The following REDIC1 variants were observed in gnomAD, a reference collection of about 807,000 sequenced individuals.
REDIC1 encodes HEI10 Interacting Protein 1.
the REDIC1 span, chr12:39,720,976 A>G: frequency 1.9e-6 from 3 of 1,613,692 alleles, no homozygotes; most frequent in Non-Finnish European, 2.5e-6. Context: ...AGTGAAAAAT[A>G]ATACAGATCA....
At chr12:39,706,201 G>A in the REDIC1 span, among the ~76,000 whole-genome samples, 1 of 151,932 alleles carries the variant, frequency 6.6e-6, no homozygotes, top group Non-Finnish European at 1.5e-5. Context: ...TTTTAAAGTA[G>A]TTCCATTTAC....
the REDIC1 span, among the ~76,000 whole-genome samples, chr12:39,754,495 T>C: frequency 6.6e-6 from 1 of 152,118 alleles, no homozygotes; most frequent in Non-Finnish European, 1.5e-5. Flanking sequence ...CTTGGGCTAT[T>C]TCTAAGTCAG....
At chr12:39,781,228 C>T in the REDIC1 span, among the ~76,000 whole-genome samples, 1 of 152,192 alleles carries the variant, frequency 6.6e-6, no homozygotes, top group Non-Finnish European at 1.5e-5. Context: ...TCTACCAGTT[C>T]GGTGAGTGAA....
At chr12:39,658,815 A>G in the REDIC1 span, among the ~76,000 whole-genome samples, 1 of 152,198 alleles carries the variant, frequency 6.6e-6, no homozygotes, top group Non-Finnish European at 1.5e-5. Context: ...CAAGTATAGT[A>G]TAAGAATCTT....
chr12:39,808,852 G>A, the REDIC1 span, among the ~76,000 whole-genome samples: 16 of 151,772 alleles, frequency 1.1e-4, no homozygotes, highest in African/African-American at 3.6e-4. Flanking sequence ...TAATACTTCC[G>A]GTCTGTGGCT....
chr12:39,654,806 G>C, the REDIC1 span, among the ~76,000 whole-genome samples: 145 of 152,240 alleles, frequency 9.5e-4, 2 homozygotes, highest in African/African-American at 3.2e-3. Flanking sequence ...ATTTGTGGAG[G>C]GTTGGTATTA....
chr12:39,631,906 G>C, the REDIC1 span, among the ~76,000 whole-genome samples: 23 of 152,000 alleles, frequency 1.5e-4, no homozygotes, highest in Non-Finnish European at 3.4e-4. Flanking sequence ...CATTGTTAGA[G>C]ACATATGCAG....
the REDIC1 span, among the ~76,000 whole-genome samples, chr12:39,712,864 CACGT>C: frequency 1.5e-4 from 2 of 13,724 alleles, no homozygotes; most frequent in Non-Finnish European, 5.4e-4. Flanking sequence ...TATGTATATA[CACGT>C]ATATACACGT....
At chr12:39,821,910 G>T in the REDIC1 span, among the ~76,000 whole-genome samples, 4 of 152,074 alleles carry the variant, frequency 2.6e-5, no homozygotes, top group East Asian at 5.8e-4. Context: ...GGAATGAAAA[G>T]AATATTATTA....
chr12:39,853,661 C>G, the REDIC1 span, among the ~76,000 whole-genome samples: 13 of 149,236 alleles, frequency 8.7e-5, no homozygotes, highest in African/African-American at 3.2e-4. Flanking sequence ...TTTAGTCAGA[C>G]TGCTACAGCC....
At chr12:39,634,833 G>A in the REDIC1 span, among the ~76,000 whole-genome samples, 1 of 152,014 alleles carries the variant, frequency 6.6e-6, no homozygotes, top group Non-Finnish European at 1.5e-5. Context: ...GAAACTGTCA[G>A]CAGTGTAAAA....
At chr12:39,668,130 G>T in the REDIC1 span, among the ~76,000 whole-genome samples, 1 of 151,586 alleles carries the variant, frequency 6.6e-6, no homozygotes, top group Non-Finnish European at 1.5e-5. Context: ...TTGTTATTTT[G>T]CTTGTTAGTT....
the REDIC1 span, among the ~76,000 whole-genome samples, chr12:39,782,941 T>C: frequency 6.6e-6 from 1 of 152,308 alleles, no homozygotes; most frequent in African/African-American, 2.4e-5. Flanking sequence ...TATGTATGTA[T>C]ACATGTGCCA....
the REDIC1 span, chr12:39,720,866 A>G: frequency 6.2e-7 from 1 of 1,613,056 alleles, no homozygotes; most frequent in Non-Finnish European, 8.5e-7. Flanking sequence ...GAAAAAATGA[A>G]TAATTTTTAT....
At chr12:39,689,374 C>A in the REDIC1 span, among the ~76,000 whole-genome samples, 1 of 152,176 alleles carries the variant, frequency 6.6e-6, no homozygotes, top group Non-Finnish European at 1.5e-5. Flanking sequence ...TACCTAGCAT[C>A]ACTCTGATTC....
chr12:39,876,032 C>T, the REDIC1 span, among the ~76,000 whole-genome samples: 2 of 152,228 alleles, frequency 1.3e-5, no homozygotes, highest in South Asian at 4.1e-4. Flanking sequence ...GGCATACCTT[C>T]TCCTTTCAAA....
At chr12:39,652,584 G>A in the REDIC1 span, among the ~76,000 whole-genome samples, 1 of 152,044 alleles carries the variant, frequency 6.6e-6, no homozygotes, top group Non-Finnish European at 1.5e-5. Flanking sequence ...AGTGCAAAAG[G>A]TTTAATTTGA....
chr12:39,878,109 T>C, the REDIC1 span, among the ~76,000 whole-genome samples: 5 of 152,236 alleles, frequency 3.3e-5, no homozygotes, highest in Admixed American at 3.3e-4. Flanking sequence ...CCAGCACCAC[T>C]CTTCCTCAAA....
At chr12:39,683,521 G>C in the REDIC1 span, 25 of 1,417,710 alleles carry the variant, frequency 1.8e-5, no homozygotes, top group African/African-American at 3.4e-4. Context: ...TACAAATCAG[G>C]ATCTAGTATG....
Sources: gnomAD v4.1 joint callset for allele counts (sites outside exome capture counted in the v4.1 genomes callset) on GRCh38, gnomAD v4.1.1 for gene constraint, MANE v1.5 for transcripts, NCBI Gene and HGNC (gene_info 2026-07-23, HGNC 2026-07-21) for gene names.